The following WWOX variants were observed in gnomAD, a reference collection of about 807,000 sequenced individuals.
The protein encoded by WWOX is WW domain containing oxidoreductase.
In WWOX, 69 loss-of-function variants were observed where a neutral mutation model predicts 46.2. The observed-to-expected ratio is 1.49, with a 90% CI of 1.23 to 1.82. WWOX has a LOEUF of 1.82. Ranked by LOEUF, WWOX falls within the 40% of genes most tolerant of loss-of-function variation. The pLI is 0.00. For synonymous variants in WWOX, 359 were observed against 202.6 expected (o/e 1.77, Z -6.56); for missense variants, 919 against 542.6 (o/e 1.69, Z -6.89).
intron 8 of WWOX, among the ~76,000 whole-genome samples, chr16:79,054,886 A>C (rs576848138): frequency 2.0e-4 from 31 of 152,350 alleles, no homozygotes; most frequent in Middle Eastern, 3.4e-3. Flanking sequence ...AAATTGTGTT[A>C]TAAAAGGCAG....
intron 5 of WWOX, among the ~76,000 whole-genome samples, chr16:78,322,976 A>T (rs1038488190): frequency 2.0e-5 from 3 of 152,174 alleles, no homozygotes; most frequent in Non-Finnish European, 4.4e-5. Context: ...AAACACTGGC[A>T]TTGGGTTAGG....
intron 8 of WWOX, among the ~76,000 whole-genome samples, chr16:78,826,253 G>A (rs902084439): frequency 2.6e-5 from 4 of 152,192 alleles, no homozygotes; most frequent in Admixed American, 6.5e-5. Context: ...GGCTGAGGCA[G>A]GAGAATCGCT....
intron 8 of WWOX, among the ~76,000 whole-genome samples, chr16:78,691,464 A>C (rs751149361): frequency 5.9e-5 from 9 of 152,146 alleles, no homozygotes; most frequent in Non-Finnish European, 1.2e-4. Flanking sequence ...TGGGAGGCTG[A>C]AGTAGGCTGA....
chr16:78,882,185 A>G (rs2044356656), intron 8 of WWOX, among the ~76,000 whole-genome samples: 3 of 152,200 alleles, frequency 2.0e-5, no homozygotes, highest in Admixed American at 2.0e-4. Context: ...CTTATTTTTA[A>G]TTATTAAGAA....
chr16:78,800,114 T>G (rs1179611427), intron 8 of WWOX, among the ~76,000 whole-genome samples: 1 of 152,166 alleles, frequency 6.6e-6, no homozygotes, highest in Non-Finnish European at 1.5e-5. Flanking sequence ...GGTTCATAAA[T>G]TTTATCTTTG....
chr16:78,547,750 CTCTA>C (rs1005737078), intron 8 of WWOX, among the ~76,000 whole-genome samples: 1 of 152,148 alleles, frequency 6.6e-6, no homozygotes, highest in Non-Finnish European at 1.5e-5. Flanking sequence ...CAAAGGGTCT[CTCTA>C]TCTGGCCTCT....
intron 8 of WWOX, among the ~76,000 whole-genome samples, chr16:78,434,850 T>C (rs1020222044): frequency 6.6e-6 from 1 of 152,266 alleles, no homozygotes; most frequent in South Asian, 2.1e-4. Context: ...GAAACTGTTA[T>C]TCTGTGGCCT....
At chr16:78,391,398 C>G (rs1206547891) in intron 6 of WWOX, among the ~76,000 whole-genome samples, 1 of 152,194 alleles carries the variant, frequency 6.6e-6, no homozygotes, top group Non-Finnish European at 1.5e-5. Context: ...GGTTGCAGTG[C>G]AGAGAGCCTA....
intron 5 of WWOX, among the ~76,000 whole-genome samples, chr16:78,329,219 T>G (rs1206590450): frequency 6.6e-6 from 1 of 152,176 alleles, no homozygotes; most frequent in Non-Finnish European, 1.5e-5. Flanking sequence ...AACCCCATGG[T>G]ATCGGTGGAC....
chr16:78,868,843 T>C (rs931681900), intron 8 of WWOX, among the ~76,000 whole-genome samples: 2 of 152,210 alleles, frequency 1.3e-5, no homozygotes, highest in African/African-American at 4.8e-5. Context: ...CTAGTCCTTA[T>C]GCTATCTCAT....
At chr16:78,678,529 G>C (rs972709374) in intron 8 of WWOX, among the ~76,000 whole-genome samples, 1 of 152,204 alleles carries the variant, frequency 6.6e-6, no homozygotes, top group Admixed American at 6.5e-5. Flanking sequence ...AGCTGGGCAA[G>C]GCGGAGATCC....
At chr16:79,138,995 A>G (rs1433653082) in intron 8 of WWOX, among the ~76,000 whole-genome samples, 1 of 152,124 alleles carries the variant, frequency 6.6e-6, no homozygotes, top group Non-Finnish European at 1.5e-5. Context: ...TCCCTTTAGT[A>G]TTGATGACCT....
intron 5 of WWOX, among the ~76,000 whole-genome samples, chr16:78,333,339 A>C (rs1202165173): frequency 6.6e-6 from 1 of 152,008 alleles, no homozygotes; most frequent in East Asian, 1.9e-4. Flanking sequence ...ATGAGCCACC[A>C]AACCTGGTCA....
intron 8 of WWOX, chr16:78,996,263 C>A (rs12448309): frequency 0.26 from 251,239 of 983,888 alleles, 33,625 homozygotes; most frequent in East Asian, 0.67. Flanking sequence ...TGAGCCAGAC[C>A]CCTTTTCAGC....
chr16:78,821,515 CAG>C (rs2051493229), intron 8 of WWOX, among the ~76,000 whole-genome samples: 1 of 152,170 alleles, frequency 6.6e-6, no homozygotes, highest in South Asian at 2.1e-4. Context: ...TCACAGTGAC[CAG>C]AGTGTTTGCA....
chr16:78,831,729 A>G (rs1185406536), intron 8 of WWOX, among the ~76,000 whole-genome samples: 10 of 152,234 alleles, frequency 6.6e-5, no homozygotes, highest in Non-Finnish European at 1.5e-5. Context: ...CTGGTATTCA[A>G]TAAGTACTCA....
chr16:78,879,456 C>T (rs1403255406), intron 8 of WWOX, among the ~76,000 whole-genome samples: 1 of 151,966 alleles, frequency 6.6e-6, no homozygotes, highest in African/African-American at 2.4e-5. Flanking sequence ...GATCTGCTCT[C>T]ACTTCCCCAA....
At chr16:78,522,140 C>CT (rs1309201397) in intron 8 of WWOX, among the ~76,000 whole-genome samples, 1 of 126,826 alleles carries the variant, frequency 7.9e-6, no homozygotes, top group East Asian at 2.4e-4. Flanking sequence ...TGATGGAAGG[C>CT]TTTAAAAAAA....
chr16:78,215,494 G>A (rs2036689734), intron 5 of WWOX, among the ~76,000 whole-genome samples: 1 of 152,196 alleles, frequency 6.6e-6, no homozygotes, highest in Non-Finnish European at 1.5e-5. Context: ...TTGCGAAGAA[G>A]GTGCTTGCTT....
Sources: allele counts gnomAD v4.1 joint callset (sites outside exome capture counted in the v4.1 genomes callset), GRCh38; gene constraint gnomAD v4.1.1; transcripts MANE v1.5; gene names NCBI Gene and HGNC (gene_info 2026-07-23, HGNC 2026-07-21).